The following SGO2 variants were observed in gnomAD, a reference collection of about 807,000 sequenced individuals.
SGO2 encodes shugoshin 2.
In SGO2, 68 loss-of-function variants were observed where a neutral mutation model predicts 99.5. That is an observed-to-expected ratio of 0.68 (90% CI 0.56 to 0.84). The LOEUF is 0.84. SGO2 is among the 40% of genes least tolerant of loss of function. SGO2 has a pLI of 0.00. For synonymous variants in SGO2, 457 were observed against 487.1 expected (o/e 0.94, Z 0.81); for missense variants, 1,350 against 1,436.7 (o/e 0.94, Z 0.97).
chr2:200,566,786 C>A (rs905063443), intron 5 of SGO2, among the ~76,000 whole-genome samples: 1 of 152,248 alleles, frequency 6.6e-6, no homozygotes, highest in Non-Finnish European at 1.5e-5. Context: ...CCCGTCCCCC[C>A]AGCCTGGCTG....
Position 200,570,732 on chromosome 2 carries a change from A to C in SGO2, c.704-318A>C, listed in dbSNP as rs538026767. On this transcript the variant is annotated intron_variant, in intron 6 of 8. Coordinates refer to ENST00000357799, the MANE Select transcript of SGO2 (RefSeq NM_152524.6). This position sits in a 1 kb window ranked among gnomAD's most constrained non-coding sequence, Gnocchi z 4.4. ...AGAGCTATCACTATTATTTGGGTTCATTTGCTGGCCTCCTTTCACTCTAGA... is the reference window on the plus strand; with the variant it reads ...AGAGCTATCACTATTATTTGGGTTCCTTTGCTGGCCTCCTTTCACTCTAGA... Among the ~76,000 whole-genome samples, 230 of 151,624 alleles carry C rather than the reference A, an allele frequency of 1.5e-3. 1 individual carries two copies. The highest frequency in any genetic ancestry group is 5.2e-3 in the African/African-American group (216 of 41,386).
intron 8 of SGO2, 54 bp downstream of exon 8, chr2:200,575,515 A>C: frequency 4.3e-6 from 6 of 1,383,676 alleles, no homozygotes; most frequent in Non-Finnish European, 5.9e-6. Flanking sequence ...CCTTAAAAAA[A>C]TTTCTGCCTG....
intron 5 of SGO2, among the ~76,000 whole-genome samples, chr2:200,566,756 A>T (rs2033203515): frequency 6.6e-6 from 1 of 152,114 alleles, no homozygotes; most frequent in South Asian, 2.1e-4. Flanking sequence ...TACCTACTCA[A>T]GCCTCAGCAA....
At chr2:200,578,061 C>T (rs2033721002) in intron 8 of SGO2, among the ~76,000 whole-genome samples, 1 of 152,002 alleles carries the variant, frequency 6.6e-6, no homozygotes, top group Non-Finnish European at 1.5e-5. Flanking sequence ...TGCAACAGTA[C>T]TACTGTGGGT....
At chr2:200,564,311 G>A (rs192950745) in intron 5 of SGO2, among the ~76,000 whole-genome samples, 11 of 152,210 alleles carry the variant, frequency 7.2e-5, no homozygotes, top group Admixed American at 3.3e-4. Context: ...CCTTCATTTC[G>A]TTATGTACCC....
intron 4 of SGO2, among the ~76,000 whole-genome samples, chr2:200,541,870 C>T (rs559524358): frequency 6.6e-6 from 1 of 151,908 alleles, no homozygotes; most frequent in African/African-American, 2.4e-5. Flanking sequence ...TTTCTGGACT[C>T]TCTGTTCTAT....
chr2:200,566,196 G>A (rs1194231241), intron 5 of SGO2, among the ~76,000 whole-genome samples: 2 of 152,182 alleles, frequency 1.3e-5, no homozygotes, highest in Non-Finnish European at 2.9e-5. Context: ...CCCCATCTTT[G>A]TGGTTTTATC....
chr2:200,532,259 G>A (rs2031425288), intron 1 of SGO2: 1 of 484,622 alleles, frequency 2.1e-6, no homozygotes, highest in Non-Finnish European at 2.6e-6. Context: ...AGGTGCAGGT[G>A]ACAGAGTTTT....
At chr2:200,551,793 A>G (rs953915113) in intron 5 of SGO2, among the ~76,000 whole-genome samples, 1 of 152,154 alleles carries the variant, frequency 6.6e-6, no homozygotes. Context: ...TTGTAAATCA[A>G]GGAGACTGGA....
intron 5 of SGO2, among the ~76,000 whole-genome samples, chr2:200,557,550 A>G (rs1406927954): frequency 6.6e-6 from 1 of 152,206 alleles, no homozygotes; most frequent in Non-Finnish European, 1.5e-5. Flanking sequence ...ATTCAAGGCA[A>G]ATCCTTAAAG....
chr2:200,537,839 AT>A (rs1210190412), intron 4 of SGO2, among the ~76,000 whole-genome samples: 1 of 152,150 alleles, frequency 6.6e-6, no homozygotes, highest in Non-Finnish European at 1.5e-5. Context: ...GCCATCTCAA[AT>A]TTCACATTTG....
intron 1 of SGO2, among the ~76,000 whole-genome samples, chr2:200,527,713 T>C (rs2031168327): frequency 6.6e-6 from 1 of 152,230 alleles, no homozygotes; most frequent in African/African-American, 2.4e-5. Flanking sequence ...AGCTGCTATG[T>C]GGCAGGCACA....
chr2:200,571,967 C>G lies in SGO2; in HGVS notation c.1621C>G (p.His541Asp), dbSNP rs1559216525. The change falls in exon 7 of 9, where the codon CAC becomes GAC. Residue 541 changes from histidine (H) to aspartate (D), a missense_variant. Coordinates refer to ENST00000357799, the MANE Select transcript of SGO2 (RefSeq NM_152524.6). ...SKASRQTFVIHKLEKDNLLPN... is the reference protein window; with the variant it reads ...SKASRQTFVIDKLEKDNLLPN... ...AGCTTCTAGACAGACATTTGTGATT[C>G]ACAAATTAGAAAAAGATAACTTACT... The G allele has an allele frequency of 1.2e-6, 2 of 1,609,176 alleles. No homozygotes were observed. The highest frequency in any genetic ancestry group is 1.7e-5 in the Admixed American group (1 of 59,082).
chr2:200,546,224 G>C (rs1345142720), intron 5 of SGO2, among the ~76,000 whole-genome samples: 1 of 151,222 alleles, frequency 6.6e-6, no homozygotes, highest in Admixed American at 6.6e-5. Flanking sequence ...GTGGTGGTGG[G>C]TGCCTGTAGT....
intron 1 of SGO2, among the ~76,000 whole-genome samples, chr2:200,530,564 A>T (rs1345303853): frequency 6.6e-6 from 1 of 152,200 alleles, no homozygotes; most frequent in Non-Finnish European, 1.5e-5. Context: ...AGACTGTATG[A>T]AATCACCAAA....
intron 8 of SGO2, among the ~76,000 whole-genome samples, chr2:200,582,065 A>G (rs541779959): frequency 6.6e-6 from 1 of 152,272 alleles, no homozygotes; most frequent in South Asian, 2.1e-4. Flanking sequence ...AAATATAACT[A>G]AACTCCATAA....
At chr2:200,560,413 T>G (rs968377607) in intron 5 of SGO2, among the ~76,000 whole-genome samples, 1 of 152,168 alleles carries the variant, frequency 6.6e-6, no homozygotes, top group East Asian at 1.9e-4. Flanking sequence ...TATCTTTTTC[T>G]GTTGAAAAGT....
At position 200,583,581 on chromosome 2, in the gene SGO2, C is replaced by A. The variant is rs1477531323; in HGVS notation, c.*117C>A. ...AAAGGTTTTTTTTTTGTTTCTTTGG[C>A]CTTTCATGGAGTGTTGATTTGTCCA... On this transcript the variant is annotated 3_prime_UTR_variant, in exon 9 of 9. Coordinates refer to ENST00000357799, the MANE Select transcript of SGO2 (RefSeq NM_152524.6). The A allele has an allele frequency of 1.1e-5, 9 of 847,512 alleles. No individual in the cohort carries two copies. The highest frequency in any genetic ancestry group is 2.2e-5 in the South Asian group (1 of 46,406). 52.5% of individuals were successfully genotyped at this position (847,512 alleles called of 1,614,324 possible).
chr2:200,531,753 A>T, intron 1 of SGO2: 1 of 152,290 alleles, frequency 6.6e-6, no homozygotes, highest in Non-Finnish European at 1.5e-5. Context: ...AAATTCAGTT[A>T]TCACTGGTTT....
Sources: gnomAD v4.1 joint callset for allele counts (sites outside exome capture counted in the v4.1 genomes callset) on GRCh38, gnomAD v4.1.1 for gene constraint, Gnocchi (gnomAD v3.1) non-coding constraint, MANE v1.5 for transcripts, NCBI Gene and HGNC (gene_info 2026-07-23, HGNC 2026-07-21) for gene names.